NECTIN3: variants seen among roughly 807,000 people sequenced by gnomAD.
NECTIN3 encodes nectin cell adhesion molecule 3.
A neutral mutation model predicts 49.4 loss-of-function variants in NECTIN3; 8 were observed. The observed-to-expected ratio is 0.16, with a 90% CI of 0.10 to 0.29. NECTIN3 has a LOEUF of 0.29. Ranked by LOEUF, NECTIN3 falls within the 10% of genes least tolerant of loss-of-function variation. The pLI, the probability that NECTIN3 is intolerant of heterozygous loss-of-function variation, is 1.00. For missense variants in NECTIN3, 581 were observed against 654.6 expected, an observed-to-expected ratio of 0.89 and a Z score of 1.23; for synonymous variants, 277 against 241.1, an observed-to-expected ratio of 1.15 and a Z score of -1.38.
chr3:111,099,672 T>G (rs766093890), intron 1 of NECTIN3, among the ~76,000 whole-genome samples: 6 of 152,188 alleles, frequency 3.9e-5, no homozygotes, highest in Non-Finnish European at 8.8e-5. Flanking sequence ...AAACAAAAAT[T>G]TGCAGTCACA....
At chr3:111,123,731 A>G (rs1386698039) in intron 4 of NECTIN3, among the ~76,000 whole-genome samples, 1 of 152,112 alleles carries the variant, frequency 6.6e-6, no homozygotes, top group Non-Finnish European at 1.5e-5. Context: ...CTTTGGACCA[A>G]ATTGGCTGCT....
chr3:111,191,153 A>C (rs1488372194), upstream of NECTIN3, among the ~76,000 whole-genome samples: 1 of 152,200 alleles, frequency 6.6e-6, no homozygotes, highest in African/African-American at 2.4e-5. Context: ...CTAAAATGAA[A>C]GCAGGGATGT....
intron 6 of NECTIN3, among the ~76,000 whole-genome samples, chr3:111,146,122 GGAGTGCTTCAGTCTTT>G (rs1175395487): frequency 1.3e-5 from 2 of 152,178 alleles, no homozygotes; most frequent in Non-Finnish European, 2.9e-5. Flanking sequence ...TTGTGGGACT[GGAGTGCTTCAGTCTTT>G]CAAGAGTGAC....
At chr3:111,151,375 G>C (rs1164163434) in intron 7 of NECTIN3, among the ~76,000 whole-genome samples, 3 of 151,396 alleles carry the variant, frequency 2.0e-5, no homozygotes, top group Non-Finnish European at 4.4e-5. Context: ...CTATATTTCA[G>C]TATATTTAAT....
At chr3:111,093,957 C>G (rs915245591) in intron 1 of NECTIN3, among the ~76,000 whole-genome samples, 1 of 152,140 alleles carries the variant, frequency 6.6e-6, no homozygotes, top group African/African-American at 2.4e-5. Flanking sequence ...AACACTTACT[C>G]TGTAGATGCT....
chr3:111,174,897 T>C lies in NECTIN3; in HGVS notation c.1222-17454T>C, dbSNP rs140648149. Among the ~76,000 whole-genome samples the C allele has an allele frequency of 1.3e-3, 204 of 152,286 alleles. 2 individuals carry two copies. The highest frequency in any genetic ancestry group is 4.6e-3 in the African/African-American group (192 of 41,566). ...AGAAGGCCAGTGTGACAACTTTCTG[T>C]ATCCTGAGCTCTTGTCCAGTGTCCC... is the stretch of plus-strand genomic sequence containing the variant. On this transcript the variant is annotated intron_variant, in intron 7 of 8. Transcript: ENST00000493615.
intron 5 of NECTIN3, among the ~76,000 whole-genome samples, chr3:111,128,493 A>T (rs536783348): frequency 6.6e-6 from 1 of 152,196 alleles, no homozygotes; most frequent in Non-Finnish European, 1.5e-5. Context: ...CATTAACTCT[A>T]TGTAGTAGTC....
intron 1 of NECTIN3, among the ~76,000 whole-genome samples, chr3:111,084,207 G>A (rs565963627): frequency 3.4e-4 from 51 of 151,516 alleles, no homozygotes; most frequent in African/African-American, 1.2e-3. Context: ...TTACAAAAAG[G>A]TCTTGTTCTT....
chr3:111,189,956 A>C (rs2035785123), upstream of NECTIN3, among the ~76,000 whole-genome samples: 1 of 152,200 alleles, frequency 6.6e-6, no homozygotes, highest in Non-Finnish European at 1.5e-5. Context: ...GGGGGAGGCC[A>C]GGTAGGACCT....
At chr3:111,169,487 A>G (rs1400030267) in intron 7 of NECTIN3, among the ~76,000 whole-genome samples, 1 of 151,756 alleles carries the variant, frequency 6.6e-6, no homozygotes, top group Non-Finnish European at 1.5e-5. Context: ...GATATTGTCA[A>G]TAAATATTTT....
intron 7 of NECTIN3, among the ~76,000 whole-genome samples, chr3:111,169,318 C>G (rs1363452398): frequency 6.7e-6 from 1 of 150,228 alleles, no homozygotes; most frequent in Non-Finnish European, 1.5e-5. Context: ...TCTCGATCTC[C>G]TGACCTCGTG....
intron 1 of NECTIN3, among the ~76,000 whole-genome samples, chr3:111,080,686 A>C (rs1030180045): frequency 2.6e-5 from 4 of 152,210 alleles, no homozygotes; most frequent in Non-Finnish European, 4.4e-5. Context: ...TGCAAAAAAA[A>C]AAAAAAAGGA....
At chr3:111,096,410 A>G (rs2032584529) in intron 1 of NECTIN3, among the ~76,000 whole-genome samples, 1 of 152,190 alleles carries the variant, frequency 6.6e-6, no homozygotes, top group Non-Finnish European at 1.5e-5. Flanking sequence ...CAGCTTGACA[A>G]TGTGATAGAA....
rs2034612386 is a variant in NECTIN3 at position 111,137,256 on chromosome 3, C to T, written c.*3041C>T. ...ATATAAGAAAGGAATAAATGGTACCCATTTTGAATTTTTAATTCTAATAGG... is the reference window on the plus strand; with the variant it reads ...ATATAAGAAAGGAATAAATGGTACCTATTTTGAATTTTTAATTCTAATAGG... On this transcript the variant is annotated 3_prime_UTR_variant, in exon 6 of 6. Coordinates refer to ENST00000485303, the MANE Select transcript of NECTIN3 (RefSeq NM_015480.3). 1.1e-6 allele frequency: 1 copy of T among 941,910 alleles called. No individual in the cohort carries two copies. Among genetic ancestry groups the T allele is most frequent in the Non-Finnish European group, 1.3e-6 (1 of 790,820 alleles). The allele number at this position is 941,910 out of a possible 1,614,324, so 58.3% of individuals were successfully genotyped here.
chr3:111,106,817 CT>C (rs2033201605), intron 1 of NECTIN3, among the ~76,000 whole-genome samples: 1 of 152,098 alleles, frequency 6.6e-6, no homozygotes, highest in Non-Finnish European at 1.5e-5. Flanking sequence ...TGAACACAGA[CT>C]AAAATAAATG....
chr3:111,093,025 T>C (rs554733369), intron 1 of NECTIN3, among the ~76,000 whole-genome samples: 2 of 152,358 alleles, frequency 1.3e-5, no homozygotes, highest in South Asian at 2.1e-4. Flanking sequence ...CACTTCATTG[T>C]TAAATTTTTT....
At chr3:111,125,181 A>G (rs2034114941) in intron 4 of NECTIN3, among the ~76,000 whole-genome samples, 1 of 151,542 alleles carries the variant, frequency 6.6e-6, no homozygotes, top group African/African-American at 2.4e-5. Context: ...GGCACCCGCC[A>G]CCATGCCCAA....
intron 1 of NECTIN3, among the ~76,000 whole-genome samples, chr3:111,101,533 T>A (rs953263274): frequency 2.0e-5 from 3 of 152,154 alleles, no homozygotes; most frequent in Non-Finnish European, 4.4e-5. Flanking sequence ...TTTAGCTTCA[T>A]AGAAACCTGT....
chr3:111,082,479 T>C (rs1378749018), intron 1 of NECTIN3, among the ~76,000 whole-genome samples: 1 of 152,014 alleles, frequency 6.6e-6, no homozygotes, highest in Non-Finnish European at 1.5e-5. Flanking sequence ...TTGGATAAGC[T>C]ATCGGAGGGA....
Sources: allele counts gnomAD v4.1 joint callset (sites outside exome capture counted in the v4.1 genomes callset), GRCh38; gene constraint gnomAD v4.1.1; transcripts MANE v1.5; gene names NCBI Gene and HGNC (gene_info 2026-07-23, HGNC 2026-07-21).